The following MEIS1 variants were observed in gnomAD, a reference collection of about 807,000 sequenced individuals.
MEIS1 encodes homeobox protein Meis1.
In MEIS1, 5 loss-of-function variants were observed where a neutral mutation model predicts 50.8. That is an observed-to-expected ratio of 0.10 (90% CI 0.05 to 0.21). The LOEUF (loss-of-function observed/expected upper bound fraction) is 0.21, where lower values mean the gene tolerates loss of function less well. MEIS1 is among the 10% of genes least tolerant of loss of function. MEIS1 has a pLI of 1.00. For synonymous variants in MEIS1, 176 were observed against 179.3 expected (o/e 0.98, Z 0.15); for missense variants, 318 against 517.3 (o/e 0.61, Z 3.74).
chr2:66,446,148 G>A (rs1347466203), intron 6 of MEIS1, among the ~76,000 whole-genome samples: 1 of 152,194 alleles, frequency 6.6e-6, no homozygotes, highest in African/African-American at 2.4e-5. Context: ...AGGCGTCGAG[G>A]CGAGGGTTGA....
At chr2:66,497,470 G>A (rs1428444733) in intron 7 of MEIS1, among the ~76,000 whole-genome samples, 1 of 152,122 alleles carries the variant, frequency 6.6e-6, no homozygotes. Context: ...TATTCTTATT[G>A]TCTAGAGAAG....
Position 66,435,753 on chromosome 2 carries a change from T to C in MEIS1, c.-104T>C. ...GGATTTTTCGTCGTGCTTTTTTTTT[T>C]TTTTTTTTTTTTTTCCGGGGGAGTT... On this transcript the variant is annotated 5_prime_UTR_variant, in exon 1 of 13. Coordinates refer to ENST00000272369, the MANE Select transcript of MEIS1 (RefSeq NM_002398.3). 1 of 852,740 alleles carries C rather than the reference T, an allele frequency of 1.2e-6. No individual in the cohort carries two copies. The highest frequency in any genetic ancestry group is 1.9e-5 in the South Asian group (1 of 53,032). The allele number at this position is 852,740 out of a possible 1,614,324, so 52.8% of individuals were successfully genotyped here. A position where few individuals can be genotyped will look rare whatever the true frequency, so the allele number is the denominator to read the frequency against.
At chr2:66,449,593 CT>C (rs2103708637) in intron 6 of MEIS1, among the ~76,000 whole-genome samples, 1 of 152,176 alleles carries the variant, frequency 6.6e-6, no homozygotes, top group African/African-American at 2.4e-5. Context: ...GCTGGAATCC[CT>C]ACACTTGTAA....
At position 66,485,420 on chromosome 2, in the gene MEIS1, C is replaced by T. The variant is rs180894405; in HGVS notation, c.742+21200C>T. Reference sequence around the variant, plus strand: ...GTTTCCAGCTTCATCCATGTCCCTGCGAAGGACATGAACTCATCCTTTTTT... The same window carrying T: ...GTTTCCAGCTTCATCCATGTCCCTGTGAAGGACATGAACTCATCCTTTTTT... On this transcript the variant is annotated intron_variant, in intron 7 of 12. Coordinates refer to ENST00000272369, the MANE Select transcript of MEIS1 (RefSeq NM_002398.3). 1.3e-3 allele frequency among the ~76,000 whole-genome samples: 191 copies of T among 152,262 alleles called. 3 individuals are homozygous for T. In the Middle Eastern group the frequency reaches 0.031, roughly 24 times the overall value.
chr2:66,541,063 A>T (rs1392038385), intron 8 of MEIS1, among the ~76,000 whole-genome samples: 1 of 150,988 alleles, frequency 6.6e-6, no homozygotes, highest in Non-Finnish European at 1.5e-5. Flanking sequence ...TTTTTGAGAC[A>T]GTCTCACTCA....
chr2:66,441,860 T>C (rs1671993020), intron 5 of MEIS1: 2 of 188,154 alleles, frequency 1.1e-5, no homozygotes, highest in Non-Finnish European at 1.1e-5. Flanking sequence ...TATTCAGTTG[T>C]AGTGAGTTTC....
chr2:66,512,398 A>C, intron 8 of MEIS1, 104 bp downstream of exon 8: 1 of 1,292,372 alleles, frequency 7.7e-7, no homozygotes, highest in African/African-American at 1.6e-5. Context: ...TGAAATATTT[A>C]ATAAATAACT....
At chr2:66,461,347 G>C (rs956058099) in intron 6 of MEIS1, among the ~76,000 whole-genome samples, 3 of 152,184 alleles carry the variant, frequency 2.0e-5, no homozygotes, top group Non-Finnish European at 4.4e-5. Context: ...TATACTAGAA[G>C]AGTTCATGAG....
At chr2:66,562,167 T>C (rs1373141141) in intron 9 of MEIS1, 1 of 150,992 alleles carries the variant, frequency 6.6e-6, no homozygotes, top group Admixed American at 6.6e-5. Flanking sequence ...CCTTGTGTTT[T>C]GGCTCCTAAC....
chr2:66,443,076 T>C, intron 6 of MEIS1, 28 bp downstream of exon 6: 1 of 1,555,620 alleles, frequency 6.4e-7, no homozygotes, highest in Non-Finnish European at 8.6e-7. Flanking sequence ...TCAACATCCC[T>C]GGGAAAAAAA....
In MEIS1 at chr2:66,569,130, G is replaced by T; in HGVS notation, c.*22G>T. 2 of 1,611,310 alleles carry T rather than the reference G, an allele frequency of 1.2e-6. No individual in the cohort carries two copies. Among genetic ancestry groups the T allele is most frequent in the Admixed American group, 1.7e-5 (1 of 59,616 alleles). ...GTAACCTTCATCTAGTTAACCAATC[G>T]CAAAGCAAGGGGGAAGTAAGTACAA... On this transcript the variant is annotated 3_prime_UTR_variant, in exon 12 of 13. Transcript: ENST00000272369.
At chr2:66,539,248 A>C (rs1329862865) in intron 8 of MEIS1, among the ~76,000 whole-genome samples, 1 of 152,202 alleles carries the variant, frequency 6.6e-6, no homozygotes, top group Non-Finnish European at 1.5e-5. Context: ...AAGCATTAAT[A>C]AAGTGATGGG....
At chr2:66,534,826 A>G (rs1203923239) in intron 8 of MEIS1, among the ~76,000 whole-genome samples, 1 of 152,218 alleles carries the variant, frequency 6.6e-6, no homozygotes, top group Non-Finnish European at 1.5e-5. Flanking sequence ...ATCAATCCTC[A>G]CTGGATAAGG....
intron 12 of MEIS1, 154 bp from the exon 13 acceptor site, chr2:66,571,092 A>G: frequency 2.7e-6 from 2 of 750,766 alleles, no homozygotes; most frequent in Non-Finnish European, 4.0e-6. Flanking sequence ...TTCTCATTTT[A>G]TTTTCTTCTG....
At chr2:66,447,601 T>A (rs1672183865) in intron 6 of MEIS1, among the ~76,000 whole-genome samples, 1 of 152,232 alleles carries the variant, frequency 6.6e-6, no homozygotes, top group Admixed American at 6.5e-5. Flanking sequence ...ACTGGGTATA[T>A]TTTTATTGTT....
At chr2:66,477,662 C>T (rs76649368) in intron 7 of MEIS1, among the ~76,000 whole-genome samples, 2,333 of 152,266 alleles carry the variant, frequency 0.015, 56 homozygotes, top group African/African-American at 0.053. Flanking sequence ...CTCATTTCAT[C>T]AGTTTACTGC....
At chr2:66,444,045 G>C (rs1233988671) in intron 6 of MEIS1, among the ~76,000 whole-genome samples, 1 of 152,228 alleles carries the variant, frequency 6.6e-6, no homozygotes, top group African/African-American at 2.4e-5. Context: ...GTCCAAAGGA[G>C]TTGCAAAAAT....
At chr2:66,547,111 A>G (rs1387045824) in intron 8 of MEIS1, among the ~76,000 whole-genome samples, 1 of 152,188 alleles carries the variant, frequency 6.6e-6, no homozygotes, top group Non-Finnish European at 1.5e-5. Context: ...TCCTCCCCTA[A>G]GCTTTAGAAA....
intron 9 of MEIS1, among the ~76,000 whole-genome samples, chr2:66,554,294 A>G (rs76205499): frequency 2.6e-5 from 4 of 152,200 alleles, no homozygotes; most frequent in African/African-American, 9.6e-5. Flanking sequence ...GCAAATCCTA[A>G]TTAAGCCAGT....
Sources: gnomAD v4.1 joint callset for allele counts (sites outside exome capture counted in the v4.1 genomes callset) on GRCh38, gnomAD v4.1.1 for gene constraint, MANE v1.5 for transcripts, NCBI Gene and HGNC (gene_info 2026-07-23, HGNC 2026-07-21) for gene names.